DNAI4: variants seen among roughly 807,000 people sequenced by gnomAD.
The protein encoded by DNAI4 is dynein axonemal intermediate chain 4, also known as WD repeat domain 78.
Under a neutral mutation model 105.8 loss-of-function variants are expected in DNAI4, and 85 were observed. The observed-to-expected ratio is 0.80, with a 90% CI of 0.67 to 0.96. The LOEUF (loss-of-function observed/expected upper bound fraction) is 0.96, where lower values mean the gene tolerates loss of function less well. DNAI4 is among the 40% of genes least tolerant of loss of function. DNAI4 has a pLI of 0.00. For synonymous variants in DNAI4, 352 were observed against 331.5 expected (o/e 1.06, Z -0.67); for missense variants, 1,014 against 1,005.6 (o/e 1.01, Z -0.11).
chr1:66,837,824 A>G (rs554582925), intron 9 of DNAI4, 28 bp from the exon 10 acceptor site: 2 of 1,559,980 alleles, frequency 1.3e-6, no homozygotes, highest in East Asian at 2.3e-5. Flanking sequence ...ACATTTAAAA[A>G]TAAGAGAAGA....
intron 13 of DNAI4, chr1:66,828,142 G>C (rs1181527875): frequency 3.9e-6 from 1 of 257,284 alleles, no homozygotes; most frequent in Admixed American, 5.5e-5. Flanking sequence ...CTGGAATCGG[G>C]GTAGCATTTA....
At chr1:66,868,103 C>T (rs923140929) in intron 6 of DNAI4, among the ~76,000 whole-genome samples, 1 of 152,148 alleles carries the variant, frequency 6.6e-6, no homozygotes, top group Non-Finnish European at 1.5e-5. Flanking sequence ...TGAATCATAG[C>T]TTTCCTGATA....
In DNAI4 at chr1:66,889,956, C is replaced by T. The variant is rs77287822; in HGVS notation, c.643+1198G>A. 9.9e-5 allele frequency among the ~76,000 whole-genome samples: 15 copies of T among 152,230 alleles called. No homozygotes were observed. In the East Asian group the frequency reaches 1.2e-3, roughly 12 times the overall value. ...TTAATCACTCCTTTCTAAGTGTTCC[C>T]ATGACGTTCCACATATGTTATTATG... On this transcript the variant is annotated intron_variant, in intron 4 of 16. Transcript: ENST00000371026.
intron 7 of DNAI4, among the ~76,000 whole-genome samples, chr1:66,858,523 A>G (rs1646551577): frequency 1.5e-5 from 2 of 132,076 alleles, no homozygotes; most frequent in South Asian, 5.2e-4. Flanking sequence ...ACAGAGCAAG[A>G]CTCCGTCTCA....
chr1:66,825,337 G>A (rs919015408), intron 15 of DNAI4, among the ~76,000 whole-genome samples: 1 of 151,058 alleles, frequency 6.6e-6, no homozygotes, highest in Admixed American at 6.6e-5. Context: ...CCGCCACCGC[G>A]CCCGGCTAAT....
chr1:66,859,138 A>T (rs1452541719), intron 7 of DNAI4, among the ~76,000 whole-genome samples: 1 of 152,162 alleles, frequency 6.6e-6, no homozygotes, highest in East Asian at 1.9e-4. Flanking sequence ...CTCAATAAGA[A>T]AACAAACAGC....
chr1:66,823,731 C>A (rs1645685441), intron 15 of DNAI4, among the ~76,000 whole-genome samples: 1 of 146,668 alleles, frequency 6.8e-6, no homozygotes. Flanking sequence ...CTGTTCATGT[C>A]CTTCGCCCAC....
At chr1:66,891,319 A>G in intron 3 of DNAI4, 53 bp from the exon 4 acceptor site, 5 of 1,233,588 alleles carry the variant, frequency 4.1e-6, no homozygotes, top group Non-Finnish European at 5.9e-6. Flanking sequence ...CTTATAGGAA[A>G]CTACATATAC....
At chr1:66,826,542 C>G (rs925119269) in intron 15 of DNAI4, among the ~76,000 whole-genome samples, 4 of 152,138 alleles carry the variant, frequency 2.6e-5, no homozygotes, top group African/African-American at 9.7e-5. Context: ...AAGTGATCCT[C>G]CCGCCTCAGC....
intron 4 of DNAI4, among the ~76,000 whole-genome samples, chr1:66,876,357 T>C (rs1646958621): frequency 6.6e-6 from 1 of 152,184 alleles, no homozygotes; most frequent in Non-Finnish European, 1.5e-5. Context: ...CCACCAGATC[T>C]TCCTTTGCAA....
chr1:66,815,628 C>A (rs750775441), intron 16 of DNAI4, among the ~76,000 whole-genome samples: 3 of 152,138 alleles, frequency 2.0e-5, no homozygotes, highest in Admixed American at 6.5e-5. Flanking sequence ...TCTCTACAGG[C>A]TGCCTGCAGA....
intron 1 of DNAI4, among the ~76,000 whole-genome samples, chr1:66,913,634 C>T (rs1649827617): frequency 6.6e-6 from 1 of 152,140 alleles, no homozygotes; most frequent in Admixed American, 6.5e-5. Context: ...AATGACCCAG[C>T]ATTTTGAGCC....
chr1:66,852,190 T>C (rs1188316279), intron 7 of DNAI4, among the ~76,000 whole-genome samples: 1 of 151,718 alleles, frequency 6.6e-6, no homozygotes, highest in South Asian at 2.1e-4. Context: ...AATTATATTA[T>C]GCTATTAATA....
chr1:66,836,258 AAG>A (rs1314683009), intron 10 of DNAI4, among the ~76,000 whole-genome samples: 5 of 7,386 alleles, frequency 6.8e-4, no homozygotes, highest in African/African-American at 2.4e-3. Context: ...GAGAGAGAGA[AAG>A]AAAGAAAGAA....
At chr1:66,908,950 A>G (rs1649455893) in intron 1 of DNAI4, among the ~76,000 whole-genome samples, 1 of 152,150 alleles carries the variant, frequency 6.6e-6, no homozygotes, top group African/African-American at 2.4e-5. Context: ...GCACTTGCCT[A>G]TATCTGTGCC....
intron 1 of DNAI4, among the ~76,000 whole-genome samples, chr1:66,907,318 C>T (rs1649332949): frequency 6.6e-6 from 1 of 152,160 alleles, no homozygotes; most frequent in Non-Finnish European, 1.5e-5. Context: ...TCCATTTCTA[C>T]CAAATAATCA....
At chr1:66,822,299 T>G (rs1457717017) in intron 16 of DNAI4, 62 bp downstream of exon 16, 8 of 1,393,182 alleles carry the variant, frequency 5.7e-6, no homozygotes, top group Middle Eastern at 1.9e-4. Flanking sequence ...CTTTGCATGC[T>G]ACAAAAGTAT....
At chr1:66,856,640 C>T (rs1472274849) in intron 7 of DNAI4, among the ~76,000 whole-genome samples, 1 of 151,806 alleles carries the variant, frequency 6.6e-6, no homozygotes, top group East Asian at 1.9e-4. Flanking sequence ...TATACAGTCT[C>T]AGAACACAAA....
chr1:66,906,214 C>G (rs1406340216), intron 1 of DNAI4, among the ~76,000 whole-genome samples: 1 of 151,944 alleles, frequency 6.6e-6, no homozygotes, highest in African/African-American at 2.4e-5. Context: ...AGCCACTGTG[C>G]CCTTTTTAAT....
Sources: gnomAD v4.1 joint callset for allele counts (sites outside exome capture counted in the v4.1 genomes callset) on GRCh38, gnomAD v4.1.1 for gene constraint, MANE v1.5 for transcripts, NCBI Gene and HGNC (gene_info 2026-07-23, HGNC 2026-07-21) for gene names.